CNTN5: variants seen among roughly 807,000 people sequenced by gnomAD.
CNTN5 encodes the protein contactin 5.
In CNTN5, 77 loss-of-function variants were observed where a neutral mutation model predicts 129.1. That is an observed-to-expected ratio of 0.60 (90% CI 0.50 to 0.72). The LOEUF is 0.72. Ranked by LOEUF, CNTN5 falls within the 30% of genes least tolerant of loss-of-function variation. The probability of loss-of-function intolerance (pLI) is 0.00; values close to 1 mark genes in which losing one functional copy is unlikely to be tolerated. For synonymous variants in CNTN5, 509 were observed against 465.6 expected (o/e 1.09, Z -1.20); for missense variants, 1,478 against 1,328.8 (o/e 1.11, Z -1.75).
intron 2 of CNTN5, among the ~76,000 whole-genome samples, chr11:99,482,131 T>G (rs958397141): frequency 6.6e-6 from 1 of 152,118 alleles, no homozygotes; most frequent in Admixed American, 6.5e-5. Flanking sequence ...GCATTATTAA[T>G]CTCCCTATGA....
intron 3 of CNTN5, among the ~76,000 whole-genome samples, chr11:99,714,685 G>T (rs942660182): frequency 6.6e-6 from 1 of 151,844 alleles, no homozygotes; most frequent in African/African-American, 2.4e-5. Flanking sequence ...GTCACACCAA[G>T]GAATAACGAG....
At chr11:99,956,722 C>T (rs1014493634) in intron 7 of CNTN5, 84 bp from the exon 8 acceptor site, 13 of 957,328 alleles carry the variant, frequency 1.4e-5, no homozygotes, top group Non-Finnish European at 2.1e-5. Flanking sequence ...ATATCTAATG[C>T]TTTCTAAAGG....
At position 99,556,194 on chromosome 11, in the gene CNTN5, A is replaced by C; in HGVS notation, c.-21A>C. ...AGAGCTGTTAAACACATTGAGACACAGAAGATTCTAGTGACTGAGGATGGC... is the reference window on the plus strand; with the variant it reads ...AGAGCTGTTAAACACATTGAGACACCGAAGATTCTAGTGACTGAGGATGGC... On this transcript the variant is annotated 5_prime_UTR_variant, in exon 3 of 25. Coordinates refer to ENST00000524871, the MANE Select transcript of CNTN5 (RefSeq NM_014361.4). 6.8e-7 allele frequency: 1 copy of C among 1,467,914 alleles called. No individual in the cohort carries two copies. Among genetic ancestry groups the C allele is most frequent in the Non-Finnish European group, 9.2e-7 (1 of 1,086,694 alleles). The allele number at this position is 1,467,914 out of a possible 1,614,324, so 90.9% of individuals were successfully genotyped here.
intron 3 of CNTN5, among the ~76,000 whole-genome samples, chr11:99,630,283 A>T (rs1357727333): frequency 6.6e-6 from 1 of 151,584 alleles, no homozygotes; most frequent in African/African-American, 2.4e-5. Flanking sequence ...TATACACATA[A>T]TATGGTTGGA....
intron 3 of CNTN5, among the ~76,000 whole-genome samples, chr11:99,623,483 A>C (rs534163726): frequency 1.3e-5 from 2 of 152,214 alleles, no homozygotes; most frequent in East Asian, 3.9e-4. Flanking sequence ...CCATTTTCCC[A>C]AATATTTCAA....
At chr11:99,776,970 A>G (rs1371217459) in intron 3 of CNTN5, among the ~76,000 whole-genome samples, 1 of 151,940 alleles carries the variant, frequency 6.6e-6, no homozygotes, top group African/African-American at 2.4e-5. Context: ...ATGTTATTTT[A>G]AAAATGTCAT....
intron 2 of CNTN5, among the ~76,000 whole-genome samples, chr11:99,339,250 T>C (rs972994090): frequency 6.6e-6 from 1 of 152,098 alleles, no homozygotes; most frequent in Non-Finnish European, 1.5e-5. Context: ...AAAATAAAGG[T>C]ATTAAATTAA....
intron 13 of CNTN5, among the ~76,000 whole-genome samples, chr11:100,102,514 G>A (rs1160830813): frequency 6.6e-6 from 1 of 151,990 alleles, no homozygotes; most frequent in African/African-American, 2.4e-5. Flanking sequence ...AAGAGACGTG[G>A]GAGAATGTCC....
In CNTN5 at chr11:100,341,245, C is replaced by T. The variant is rs116556379; in HGVS notation, c.3030+40C>T. 2,293 of 1,388,504 alleles carry T rather than the reference C, an allele frequency of 1.7e-3. 21 individuals carry two copies. In the African/African-American group the frequency reaches 0.023, roughly 14 times the overall value. 86.0% of individuals were successfully genotyped at this position (1,388,504 alleles called of 1,614,324 possible). A position where few individuals can be genotyped will look rare whatever the true frequency, so the allele number is the denominator to read the frequency against. ...ACTCTTTTGCATAGATACTCATCTC[C>T]GAAATTGTTATTATGAAGATGGAAA... On this transcript the variant is annotated intron_variant, in intron 23 of 24. Coordinates refer to ENST00000524871, the MANE Select transcript of CNTN5 (RefSeq NM_014361.4).
At chr11:100,147,359 G>GTGAC (rs1409405537) in intron 13 of CNTN5, among the ~76,000 whole-genome samples, 1 of 152,124 alleles carries the variant, frequency 6.6e-6, no homozygotes, top group Non-Finnish European at 1.5e-5. Flanking sequence ...TGTAAGACCA[G>GTGAC]TGACAGCTAG....
At chr11:99,577,267 G>A (rs1422520489) in intron 3 of CNTN5, among the ~76,000 whole-genome samples, 2 of 152,164 alleles carry the variant, frequency 1.3e-5, no homozygotes, top group Non-Finnish European at 2.9e-5. Context: ...CTGCCTGCTT[G>A]TGTCCTTTGA....
chr11:99,845,366 C>CTTTTTTT lies in CNTN5; in HGVS notation c.577+122_577+128dup, dbSNP rs869305728. 1.3e-3 allele frequency: 115 copies of CTTTTTTT among 86,206 alleles called. 7 individuals carry two copies. Among genetic ancestry groups the CTTTTTTT allele is most frequent in the African/African-American group, 2.5e-3 (51 of 20,132 alleles). The allele number at this position is 86,206 out of a possible 1,614,324, so 5.3% of individuals were successfully genotyped here. A position where few individuals can be genotyped will look rare whatever the true frequency, so the allele number is the denominator to read the frequency against. On this transcript the variant is annotated intron_variant, in intron 6 of 24. Coordinates refer to ENST00000524871, the MANE Select transcript of CNTN5 (RefSeq NM_014361.4). The stretch of plus-strand genomic sequence containing the variant: ...GAAAGAAAAGCCTAAGATCTCAAAT[C>CTTTTTTT]TTTTTTTTTTTTTTTTTTTTTTTTG...
chr11:100,085,546 G>T (rs868601324), intron 13 of CNTN5, among the ~76,000 whole-genome samples: 1 of 151,950 alleles, frequency 6.6e-6, no homozygotes, highest in Non-Finnish European at 1.5e-5. Flanking sequence ...TCCCAAGGAG[G>T]CACCTGTCTG....
chr11:100,177,415 G>A (rs1340300134), intron 13 of CNTN5, among the ~76,000 whole-genome samples: 2 of 152,056 alleles, frequency 1.3e-5, no homozygotes, highest in Admixed American at 1.3e-4. Context: ...TGGTACCTGA[G>A]GGTAGGAACT....
chr11:100,305,640 C>T (rs574293838), intron 20 of CNTN5, among the ~76,000 whole-genome samples: 90 of 151,592 alleles, frequency 5.9e-4, no homozygotes, highest in Admixed American at 2.0e-3. Flanking sequence ...ATGCCCAAAG[C>T]GAATGGCCAG....
chr11:99,805,756 C>T (rs112585552), intron 3 of CNTN5, among the ~76,000 whole-genome samples: 7 of 152,294 alleles, frequency 4.6e-5, no homozygotes, highest in African/African-American at 1.7e-4. Context: ...AATTATTATA[C>T]AAGTGTCTAC....
chr11:99,619,749 G>A (rs984165683), intron 3 of CNTN5, among the ~76,000 whole-genome samples: 1 of 151,968 alleles, frequency 6.6e-6, no homozygotes, highest in South Asian at 2.1e-4. Context: ...CAAAGCTGTC[G>A]GGCGTGGTGG....
At chr11:99,119,631 A>G (rs1478541296) in intron 1 of CNTN5, among the ~76,000 whole-genome samples, 1 of 152,174 alleles carries the variant, frequency 6.6e-6, no homozygotes, top group Non-Finnish European at 1.5e-5. Context: ...AGAACAATTT[A>G]TATTCATTTC....
intron 21 of CNTN5, among the ~76,000 whole-genome samples, chr11:100,311,345 AAAG>A (rs1951469302): frequency 6.6e-6 from 1 of 151,866 alleles, no homozygotes; most frequent in Admixed American, 6.6e-5. Flanking sequence ...AGGAACTCAC[AAAG>A]AAGAGTGGGT....
Sources: allele counts gnomAD v4.1 joint callset (sites outside exome capture counted in the v4.1 genomes callset), GRCh38; gene constraint gnomAD v4.1.1; transcripts MANE v1.5; gene names NCBI Gene and HGNC (gene_info 2026-07-23, HGNC 2026-07-21).